Variants in GRK7 observed in about 807,000 individuals in gnomAD.
The protein encoded by GRK7 is rhodopsin kinase GRK7.
In GRK7, 24 loss-of-function variants were observed where a neutral mutation model predicts 34.1. That is an observed-to-expected ratio of 0.70 (90% CI 0.51 to 0.99). GRK7 has a LOEUF of 0.99. Among genes scored for constraint, GRK7 ranks in the 50% least tolerant of loss-of-function variants. The probability of loss-of-function intolerance (pLI) is 0.00; values close to 1 mark genes in which losing one functional copy is unlikely to be tolerated. For synonymous variants in GRK7, 256 were observed against 279.4 expected (o/e 0.92, Z 0.84); for missense variants, 644 against 707.3 (o/e 0.91, Z 1.02).
intron 4 of GRK7, among the ~76,000 whole-genome samples, chr3:141,781,611 C>T (rs765996596): frequency 6.6e-6 from 1 of 151,444 alleles, no homozygotes; most frequent in South Asian, 2.1e-4. Flanking sequence ...GATCCTCTCA[C>T]ACCTAGAACA....
At position 141,779,735 on chromosome 3, in the gene GRK7, T is replaced by C. The variant is rs141796728; in HGVS notation, c.613-639T>C. Among the ~76,000 whole-genome samples the C allele has an allele frequency of 1.3e-3, 193 of 152,334 alleles. 1 individual carries two copies. In the East Asian group the frequency reaches 0.016, roughly 13 times the overall value. ...CAACCACTAGTCCGCTTTCTGTCTC[T>C]AGGGATTTGCCTATTCTGGGTGTTT... On this transcript the variant is annotated intron_variant, in intron 3 of 5. Transcript: ENST00000682958.
chr3:141,810,091 T>A (rs1443465753), intron 5 of GRK7, among the ~76,000 whole-genome samples: 1 of 152,172 alleles, frequency 6.6e-6, no homozygotes, highest in African/African-American at 2.4e-5. Flanking sequence ...CCTGATCCAA[T>A]CAGTTGAAAG....
the GRK7 span, among the ~76,000 whole-genome samples, chr3:141,752,434 G>T: frequency 2.6e-5 from 4 of 152,238 alleles, 1 homozygote; most frequent in Admixed American, 1.3e-4. Context: ...CAAGGCATAG[G>T]ACAGCCCCAC....
the GRK7 span, among the ~76,000 whole-genome samples, chr3:141,756,105 G>A: frequency 0.065 from 9,847 of 151,732 alleles, 315 homozygotes; most frequent in South Asian, 0.11. Context: ...TGAGGTCAGG[G>A]GTTCAAGACC....
intron 4 of GRK7, among the ~76,000 whole-genome samples, chr3:141,799,522 G>A (rs1254136113): frequency 2.0e-5 from 3 of 152,004 alleles, no homozygotes; most frequent in Non-Finnish European, 4.4e-5. Context: ...TGAGGCAGGA[G>A]AATCACTTGA....
chr3:141,801,918 G>A (rs1228799454), intron 4 of GRK7, among the ~76,000 whole-genome samples: 1 of 151,958 alleles, frequency 6.6e-6, no homozygotes, highest in Non-Finnish European at 1.5e-5. Context: ...AGAAGAATTG[G>A]GGAAAAAAAT....
At chr3:141,768,677 T>C (rs1267679793) in intron 1 of GRK7, among the ~76,000 whole-genome samples, 1 of 152,128 alleles carries the variant, frequency 6.6e-6, no homozygotes, top group Non-Finnish European at 1.5e-5. Context: ...TCCCTTTTCA[T>C]GGCCAAAGTT....
chr3:141,750,344 AGT>A, the GRK7 span, among the ~76,000 whole-genome samples: 4 of 152,182 alleles, frequency 2.6e-5, no homozygotes, highest in African/African-American at 9.7e-5. Context: ...TGCCTGGGTG[AGT>A]GTAGCTGCAG....
At chr3:141,805,452 A>G (rs1322153008) in intron 4 of GRK7, among the ~76,000 whole-genome samples, 1 of 152,234 alleles carries the variant, frequency 6.6e-6, no homozygotes, top group African/African-American at 2.4e-5. Flanking sequence ...AGGCGCCTAC[A>G]GGACCCTTTT....
At chr3:141,799,893 A>G (rs1577922754) in intron 4 of GRK7, among the ~76,000 whole-genome samples, 1 of 152,132 alleles carries the variant, frequency 6.6e-6, no homozygotes, top group Non-Finnish European at 1.5e-5. Flanking sequence ...TTCACCCTAC[A>G]CCTTCTACCG....
At chr3:141,773,586 A>G (rs1053199913) in intron 1 of GRK7, among the ~76,000 whole-genome samples, 29 of 152,082 alleles carry the variant, frequency 1.9e-4, no homozygotes, top group African/African-American at 7.0e-4. Flanking sequence ...ATCTCGGCTC[A>G]CTGCAAGCTC....
Position 141,764,565 on chromosome 3 carries a change from C to T in GRK7, c.-1388C>T, listed in dbSNP as rs894848147. On this transcript the variant is annotated 5_prime_UTR_variant, in exon 1 of 6. Transcript: ENST00000682958. ...CTCTCCTAATACCCCACTGCCCTCA[C>T]CTCCTCAAACTCTAGGGCTCAGTCC... 6.6e-6 allele frequency among the ~76,000 whole-genome samples: 1 copy of T among 152,154 alleles called. No individual in the cohort carries two copies. Among genetic ancestry groups the T allele is most frequent in the East Asian group, 1.9e-4 (1 of 5,182 alleles).
intron 4 of GRK7, among the ~76,000 whole-genome samples, chr3:141,784,071 AC>A (rs767442739): frequency 8.1e-4 from 123 of 152,070 alleles, no homozygotes; most frequent in Non-Finnish European, 1.5e-3. Flanking sequence ...CTATATCTCG[AC>A]CTTGCTGGAG....
the GRK7 span, among the ~76,000 whole-genome samples, chr3:141,757,138 T>TC: frequency 1.7e-5 from 2 of 115,876 alleles, no homozygotes; most frequent in African/African-American, 1.0e-4. Flanking sequence ...TCTTTTTTTT[T>TC]TTTTTTTTCT....
At chr3:141,809,780 T>C (rs1163343102) in intron 5 of GRK7, among the ~76,000 whole-genome samples, 1 of 152,168 alleles carries the variant, frequency 6.6e-6, no homozygotes, top group African/African-American at 2.4e-5. Flanking sequence ...CTATGTTGTG[T>C]AGGGAGAAAA....
intron 4 of GRK7, among the ~76,000 whole-genome samples, chr3:141,787,985 G>C (rs549307948): frequency 6.1e-4 from 93 of 152,306 alleles, no homozygotes; most frequent in African/African-American, 2.1e-3. Context: ...ACTCCAGCCT[G>C]AGTGACAGAG....
At chr3:141,753,941 TTCTGCTCATGCAGAAGTA>T in the GRK7 span, among the ~76,000 whole-genome samples, 1 of 152,250 alleles carries the variant, frequency 6.6e-6, no homozygotes, top group Non-Finnish European at 1.5e-5. Flanking sequence ...TGTTAAGCCC[TTCTGCTCATGCAGAAGTA>T]TAATGATGTC....
At chr3:141,787,814 T>C (rs2084703890) in intron 4 of GRK7, among the ~76,000 whole-genome samples, 1 of 147,074 alleles carries the variant, frequency 6.8e-6, no homozygotes, top group Non-Finnish European at 1.5e-5. Flanking sequence ...TTGAGACCAG[T>C]CTAGGCAACA....
chr3:141,801,976 A>G (rs192083734), intron 4 of GRK7, among the ~76,000 whole-genome samples: 119 of 152,366 alleles, frequency 7.8e-4, no homozygotes, highest in Middle Eastern at 3.4e-3. Context: ...AGAGACAAGA[A>G]TGGACATTAG....
Sources: gnomAD v4.1 joint callset for allele counts (sites outside exome capture counted in the v4.1 genomes callset) on GRCh38, gnomAD v4.1.1 for gene constraint, MANE v1.5 for transcripts, NCBI Gene and HGNC (gene_info 2026-07-23, HGNC 2026-07-21) for gene names.